HMGA2: variants seen among roughly 807,000 people sequenced by gnomAD.
HMGA2 encodes high mobility group AT-hook 2.
A neutral mutation model predicts 19.1 loss-of-function variants in HMGA2; 8 were observed. That is an observed-to-expected ratio of 0.42 (90% CI 0.25 to 0.76). HMGA2 has a LOEUF of 0.76. Ranked by LOEUF, HMGA2 falls within the 30% of genes least tolerant of loss-of-function variation. The pLI is 0.28. For missense variants in HMGA2, 109 were observed against 136.3 expected (o/e 0.80, Z 1.00); for synonymous variants, 60 against 48.8 (o/e 1.23, Z -0.96).
At chr12:65,834,187 G>T (rs562330907) in intron 2 of HMGA2, among the ~76,000 whole-genome samples, 2 of 152,252 alleles carry the variant, frequency 1.3e-5, no homozygotes, top group East Asian at 1.9e-4. Context: ...TAAAATATTT[G>T]TTACAAGGTA....
chr12:65,887,680 G>A (rs1351616687), intron 3 of HMGA2, among the ~76,000 whole-genome samples: 4 of 151,990 alleles, frequency 2.6e-5, no homozygotes, highest in African/African-American at 7.2e-5. Context: ...CCGAGATCAC[G>A]CCTTTGCACT....
At chr12:65,955,963 G>A (rs927064168) in intron 4 of HMGA2, 1 of 152,162 alleles carries the variant, frequency 6.6e-6, no homozygotes, top group Non-Finnish European at 1.5e-5. Context: ...CAAGCAAGTT[G>A]ATGAATTGCA....
chr12:65,893,163 AG>A (rs1047043962), intron 3 of HMGA2, among the ~76,000 whole-genome samples: 1 of 152,160 alleles, frequency 6.6e-6, no homozygotes, highest in Non-Finnish European at 1.5e-5. Flanking sequence ...TGCATGAAGG[AG>A]GGTGAAATTA....
chr12:65,911,221 A>G (rs1234311581), intron 3 of HMGA2, among the ~76,000 whole-genome samples: 11 of 152,226 alleles, frequency 7.2e-5, no homozygotes, highest in Non-Finnish European at 1.5e-4. Flanking sequence ...ATTTTAGAAG[A>G]TGCCTCTAGA....
At chr12:65,947,305 A>G (rs1324558609) in intron 3 of HMGA2, among the ~76,000 whole-genome samples, 1 of 152,036 alleles carries the variant, frequency 6.6e-6, no homozygotes, top group Non-Finnish European at 1.5e-5. Context: ...AATAGAGATG[A>G]AGTCTTGCTA....
Position 65,964,331 on chromosome 12 carries a change from C to G in HMGA2, c.*1039C>G, listed in dbSNP as rs563842645. On this transcript the variant is annotated 3_prime_UTR_variant, in exon 5 of 5. Coordinates refer to ENST00000403681, the MANE Select transcript of HMGA2 (RefSeq NM_003483.6). ...GGGCAATCTCTCTCTGTGTCTTTCT[C>G]TCTCTCTCTTCCTCTCCCTCTCTCT... 4 of 208,754 alleles carry G rather than the reference C, an allele frequency of 1.9e-5. No individual in the cohort carries two copies. The highest frequency in any genetic ancestry group is 4.2e-4 in the South Asian group (2 of 4,776). 12.9% of individuals were successfully genotyped at this position (208,754 alleles called of 1,614,324 possible).
intron 3 of HMGA2, among the ~76,000 whole-genome samples, chr12:65,841,149 T>TA (rs555497045): frequency 1.3e-4 from 20 of 152,234 alleles, no homozygotes; most frequent in Non-Finnish European, 2.6e-4. Context: ...AATTAAAGGA[T>TA]ATATATGTTT....
intron 3 of HMGA2, chr12:65,857,118 T>A (rs1298044978): frequency 6.6e-6 from 1 of 152,224 alleles, no homozygotes; most frequent in Non-Finnish European, 1.5e-5. Flanking sequence ...AAGCATCATA[T>A]CCAACATTTG....
chr12:65,888,790 C>T (rs1361383124), intron 3 of HMGA2, among the ~76,000 whole-genome samples: 1 of 150,838 alleles, frequency 6.6e-6, no homozygotes, highest in Non-Finnish European at 1.5e-5. Context: ...GTCTCGACCT[C>T]CTGACCTCGT....
intron 3 of HMGA2, among the ~76,000 whole-genome samples, chr12:65,946,699 T>C (rs1265147176): frequency 6.6e-6 from 1 of 152,122 alleles, no homozygotes; most frequent in African/African-American, 2.4e-5. Flanking sequence ...ATTGTATTCT[T>C]AGGAGGGCTG....
intron 3 of HMGA2, among the ~76,000 whole-genome samples, chr12:65,892,417 C>T (rs1229236201): frequency 1.3e-5 from 2 of 152,120 alleles, no homozygotes; most frequent in African/African-American, 2.4e-5. Flanking sequence ...ACTGGCTGCA[C>T]GGAGGAAGTC....
chr12:65,888,430 G>A (rs1287470230), intron 3 of HMGA2, among the ~76,000 whole-genome samples: 1 of 150,214 alleles, frequency 6.7e-6, no homozygotes, highest in East Asian at 2.0e-4. Flanking sequence ...ACTCCAGCCT[G>A]GGCGGCAGAG....
At chr12:65,905,073 A>G (rs1296520736) in intron 3 of HMGA2, among the ~76,000 whole-genome samples, 2 of 152,152 alleles carry the variant, frequency 1.3e-5, no homozygotes, top group Non-Finnish European at 2.9e-5. Context: ...AATTGCAGAT[A>G]AATAGAAAGT....
intron 3 of HMGA2, among the ~76,000 whole-genome samples, chr12:65,945,140 G>A (rs550355976): frequency 5.3e-5 from 8 of 151,768 alleles, no homozygotes; most frequent in East Asian, 1.9e-4. Flanking sequence ...TGGAGGCCAC[G>A]TGAATGAGTC....
intron 4 of HMGA2, chr12:65,953,316 G>T (rs1472622342): frequency 6.6e-6 from 1 of 152,146 alleles, no homozygotes; most frequent in African/African-American, 2.4e-5. Flanking sequence ...GACACACGGG[G>T]GATACAGATG....
At chr12:65,865,127 A>AT (rs1440086739) in intron 3 of HMGA2, among the ~76,000 whole-genome samples, 2 of 152,058 alleles carry the variant, frequency 1.3e-5, no homozygotes, top group South Asian at 4.1e-4. Flanking sequence ...TGCTTGTCTT[A>AT]TTTTTTTGTA....
intron 1 of HMGA2, 85 bp from the exon 2 acceptor site, chr12:65,827,916 A>G: frequency 3.2e-6 from 3 of 923,144 alleles, no homozygotes; most frequent in Admixed American, 3.5e-5. Context: ...TGAGCAGCAC[A>G]TGCAGAAAAT....
intron 4 of HMGA2, among the ~76,000 whole-genome samples, chr12:65,961,678 T>C (rs1316059706): frequency 1.3e-5 from 2 of 152,136 alleles, no homozygotes; most frequent in African/African-American, 4.8e-5. Flanking sequence ...AAGAGAATAT[T>C]TGAAACCTTT....
At chr12:65,833,366 A>G (rs1194344594) in intron 2 of HMGA2, among the ~76,000 whole-genome samples, 1 of 151,846 alleles carries the variant, frequency 6.6e-6, no homozygotes, top group Admixed American at 6.6e-5. Flanking sequence ...GCAAATCAAG[A>G]TACATGCAAA....
Sources: allele counts gnomAD v4.1 joint callset (sites outside exome capture counted in the v4.1 genomes callset), GRCh38; gene constraint gnomAD v4.1.1; transcripts MANE v1.5; gene names NCBI Gene and HGNC (gene_info 2026-07-23, HGNC 2026-07-21).